The following CSMD3 variants were observed in gnomAD, a reference collection of about 807,000 sequenced individuals.
The protein encoded by CSMD3 is CUB and Sushi multiple domains 3, also known as CUB and sushi domain-containing protein 3.
Under a neutral mutation model 435.2 loss-of-function variants are expected in CSMD3, and 177 were observed. The ratio of observed to expected loss-of-function variants is 0.41; its 90% CI spans 0.36 to 0.46. The LOEUF (loss-of-function observed/expected upper bound fraction) is 0.46. Ranked by LOEUF, CSMD3 falls within the 20% of genes least tolerant of loss-of-function variation. CSMD3 has a pLI of 0.34. For synonymous variants in CSMD3, 1,656 were observed against 1,520.5 expected, an observed-to-expected ratio of 1.09 and a Z score of -2.07; for missense variants, 4,265 against 4,504.6, an observed-to-expected ratio of 0.95 and a Z score of 1.52.
intron 3 of CSMD3, among the ~76,000 whole-genome samples, chr8:113,263,197 A>G (rs1330548807): frequency 6.6e-6 from 1 of 151,972 alleles, no homozygotes; most frequent in Non-Finnish European, 1.5e-5. Flanking sequence ...GCACAGTGAA[A>G]GAACCAAAAA....
intron 5 of CSMD3, among the ~76,000 whole-genome samples, chr8:113,054,162 A>G (rs1213363165): frequency 2.6e-5 from 4 of 152,214 alleles, no homozygotes; most frequent in Non-Finnish European, 5.9e-5. Context: ...TGGCCCAATT[A>G]CATAATTACT....
intron 30 of CSMD3, among the ~76,000 whole-genome samples, chr8:112,494,468 CTTTCT>C (rs1227774762): frequency 3.9e-5 from 4 of 102,388 alleles, no homozygotes; most frequent in Non-Finnish European, 1.0e-4. Context: ...TCTCCTTTCT[CTTTCT>C]TTTCTTTTGT....
At chr8:113,119,835 A>G (rs970594705) in intron 4 of CSMD3, among the ~76,000 whole-genome samples, 2 of 152,118 alleles carry the variant, frequency 1.3e-5, no homozygotes, top group African/African-American at 4.8e-5. Context: ...TGTTCTTAAT[A>G]AATTGTAATA....
intron 45 of CSMD3, among the ~76,000 whole-genome samples, chr8:112,324,986 AG>A (rs1174061058): frequency 1.3e-5 from 2 of 152,116 alleles, no homozygotes; most frequent in Non-Finnish European, 2.9e-5. Context: ...ATGACCTCCA[AG>A]GGTTTCTAAC....
intron 27 of CSMD3, among the ~76,000 whole-genome samples, chr8:112,539,619 A>ACT (rs1308438204): frequency 6.6e-6 from 1 of 152,108 alleles, no homozygotes; most frequent in Non-Finnish European, 1.5e-5. Flanking sequence ...ATAAATCCAT[A>ACT]CATCTACAGC....
chr8:112,910,306 G>A (rs567954394), intron 10 of CSMD3, among the ~76,000 whole-genome samples: 1 of 151,624 alleles, frequency 6.6e-6, no homozygotes, highest in East Asian at 2.0e-4. Context: ...TGACTTCCCT[G>A]ACCTCCCTAT....
At chr8:112,683,720 A>G (rs1348362728) in intron 15 of CSMD3, among the ~76,000 whole-genome samples, 2 of 151,916 alleles carry the variant, frequency 1.3e-5, no homozygotes, top group Non-Finnish European at 2.9e-5. Context: ...GATGCTTATA[A>G]CTTATTATTA....
chr8:112,490,652 T>C (rs1416449897), intron 31 of CSMD3, among the ~76,000 whole-genome samples: 1 of 152,168 alleles, frequency 6.6e-6, no homozygotes, highest in Non-Finnish European at 1.5e-5. Context: ...TCATGACTTT[T>C]AGTTATTTTG....
chr8:112,793,217 T>C (rs980791604), intron 13 of CSMD3, among the ~76,000 whole-genome samples: 7 of 147,148 alleles, frequency 4.8e-5, no homozygotes, highest in Non-Finnish European at 9.0e-5. Context: ...AAATATATAA[T>C]ATACAAAATG....
chr8:112,271,722 T>C lies in CSMD3; in HGVS notation c.9509-6132A>G, dbSNP rs531299614. 1.1e-4 allele frequency among the ~76,000 whole-genome samples: 16 copies of C among 152,352 alleles called. No individual in the cohort carries two copies. The South Asian group carries it at 3.1e-3, about 30-fold the overall frequency. Reference sequence around the variant, plus strand: ...TTTGTTGTAATAATTGAGATAATTATGTAAATCAGCACAAATCCGAACAAA... The same window carrying C: ...TTTGTTGTAATAATTGAGATAATTACGTAAATCAGCACAAATCCGAACAAA... On this transcript the variant is annotated intron_variant, in intron 59 of 70. Transcript: ENST00000297405.
intron 4 of CSMD3, among the ~76,000 whole-genome samples, chr8:113,127,846 T>C (rs2091179553): frequency 6.6e-6 from 1 of 152,122 alleles, no homozygotes; most frequent in Non-Finnish European, 1.5e-5. Context: ...TCCTCCAATA[T>C]TGCCTCACTT....
Position 112,999,275 on chromosome 8 carries a change from CTAAGATT to C in CSMD3, c.1030+19785_1030+19791del, listed in dbSNP as rs2085772789. ...AAATAGAGTAGTTCGGAAGACCTTA[CTAAGATT>C]TAAGATTTAATCAAATTTATGAAGA... On this transcript the variant is annotated intron_variant, in intron 6 of 70. Coordinates refer to ENST00000297405, the MANE Select transcript of CSMD3 (RefSeq NM_198123.2). 3.3e-5 allele frequency among the ~76,000 whole-genome samples: 5 copies of C among 151,800 alleles called. No individual in the cohort carries two copies. In the South Asian group the frequency reaches 1.0e-3, roughly 31 times the overall value.
intron 10 of CSMD3, among the ~76,000 whole-genome samples, chr8:112,902,833 C>A (rs1381208033): frequency 6.6e-6 from 1 of 151,172 alleles, no homozygotes; most frequent in African/African-American, 2.4e-5. Flanking sequence ...ATTCTATGAA[C>A]CTCTATGTTC....
At chr8:112,271,232 T>C (rs1817503382) in intron 59 of CSMD3, among the ~76,000 whole-genome samples, 1 of 152,182 alleles carries the variant, frequency 6.6e-6, no homozygotes, top group Non-Finnish European at 1.5e-5. Context: ...ATATCATTGA[T>C]AACAAATAAA....
chr8:113,106,610 A>C (rs888530468), intron 4 of CSMD3, among the ~76,000 whole-genome samples: 1 of 152,230 alleles, frequency 6.6e-6, no homozygotes, highest in Non-Finnish European at 1.5e-5. Context: ...CCATAGTTAC[A>C]AAAGGCTTAG....
chr8:112,980,198 T>C (rs2084998550), intron 6 of CSMD3, among the ~76,000 whole-genome samples: 1 of 150,886 alleles, frequency 6.6e-6, no homozygotes, highest in East Asian at 2.0e-4. Context: ...AAATTTTATG[T>C]TGTTTCTTTG....
intron 22 of CSMD3, among the ~76,000 whole-genome samples, chr8:112,620,568 A>G (rs1328759236): frequency 6.6e-6 from 1 of 152,128 alleles, no homozygotes; most frequent in Non-Finnish European, 1.5e-5. Flanking sequence ...CCTCCTTTCT[A>G]CAAATAAGCT....
intron 35 of CSMD3, among the ~76,000 whole-genome samples, chr8:112,405,211 C>CA (rs1563904114): frequency 5.5e-5 from 1 of 18,114 alleles, no homozygotes; most frequent in African/African-American, 3.3e-4. Context: ...AAAAAAAAAC[C>CA]CCCATATATA....
At chr8:112,656,868 AAAC>A (rs2075269950) in intron 17 of CSMD3, among the ~76,000 whole-genome samples, 1 of 152,184 alleles carries the variant, frequency 6.6e-6, no homozygotes, top group South Asian at 2.1e-4. Flanking sequence ...TTGTATTTGA[AAAC>A]AACAGTTCTA....
Sources: allele counts gnomAD v4.1 joint callset (sites outside exome capture counted in the v4.1 genomes callset), GRCh38; gene constraint gnomAD v4.1.1; transcripts MANE v1.5; gene names NCBI Gene and HGNC (gene_info 2026-07-23, HGNC 2026-07-21).